OSBPL6: variants seen among roughly 807,000 people sequenced by gnomAD.
OSBPL6 encodes oxysterol binding protein like 6, also known as oxysterol-binding protein-related protein 6.
A neutral mutation model predicts 125.8 loss-of-function variants in OSBPL6; 49 were observed. The observed-to-expected ratio is 0.39, with a 90% confidence interval of 0.31 to 0.49. The LOEUF is 0.49. Ranked by LOEUF, OSBPL6 falls within the 20% of genes least tolerant of loss-of-function variation. The pLI is 0.88. For missense variants in OSBPL6, 986 were observed against 1,135.4 expected (o/e 0.87, Z 1.89); for synonymous variants, 394 against 391.8 (o/e 1.01, Z -0.07).
intron 2 of OSBPL6, among the ~76,000 whole-genome samples, chr2:178,297,972 A>G (rs1685911924): frequency 6.6e-6 from 1 of 152,170 alleles, no homozygotes; most frequent in South Asian, 2.1e-4. Context: ...GAACCTTTCC[A>G]TCTTTCAAAG....
At chr2:178,299,273 T>C (rs893895703) in intron 2 of OSBPL6, among the ~76,000 whole-genome samples, 7 of 152,208 alleles carry the variant, frequency 4.6e-5, no homozygotes, top group African/African-American at 1.4e-4. Flanking sequence ...ATAGCTCATA[T>C]CTTTTTTGCA....
chr2:178,215,019 G>C (rs770629791), intron 1 of OSBPL6, among the ~76,000 whole-genome samples: 6 of 151,522 alleles, frequency 4.0e-5, no homozygotes, highest in Non-Finnish European at 7.4e-5. Context: ...ACGGTAGCTT[G>C]TAACAAAGTT....
intron 2 of OSBPL6, among the ~76,000 whole-genome samples, chr2:178,296,808 G>A (rs1685797075): frequency 6.6e-6 from 1 of 152,178 alleles, no homozygotes; most frequent in African/African-American, 2.4e-5. Context: ...GGTTATGTCA[G>A]CTGTTCCTTC....
intron 2 of OSBPL6, among the ~76,000 whole-genome samples, chr2:178,297,298 A>G (rs922734034): frequency 5.9e-5 from 9 of 152,194 alleles, no homozygotes; most frequent in African/African-American, 2.2e-4. Flanking sequence ...AGGCAAATAT[A>G]GTAAAATTAA....
At position 178,401,645 on chromosome 2, in the gene OSBPL6, G is replaced by A. The variant is rs1056456162; in HGVS notation, c.*6086G>A. On this transcript the variant is annotated 3_prime_UTR_variant, in exon 25 of 25. Transcript: ENST00000190611. ...GGAAAAAAGTAGGTTCTCTAACTGG[G>A]GCAGGGATCTTGCTTCTTGGGGGCA... The A allele has an allele frequency of 6.6e-6, 1 of 152,200 alleles. No homozygotes were observed. The highest frequency in any genetic ancestry group is 6.5e-5 in the Admixed American group (1 of 15,278). The allele number at this position is 152,200 out of a possible 1,614,324, so 9.4% of individuals were successfully genotyped here. A position where few individuals can be genotyped will look rare whatever the true frequency, so the allele number is the denominator to read the frequency against.
At chr2:178,291,829 T>TC (rs61197503) in intron 2 of OSBPL6, among the ~76,000 whole-genome samples, 3,625 of 109,166 alleles carry the variant, frequency 0.033, 104 homozygotes, top group African/African-American at 0.091. Context: ...ATCCATCCAT[T>TC]CATCCTTGAT....
chr2:178,259,993 G>C (rs1276882430), intron 1 of OSBPL6, among the ~76,000 whole-genome samples: 1 of 152,144 alleles, frequency 6.6e-6, no homozygotes, highest in Non-Finnish European at 1.5e-5. Context: ...ATTTGCTGAG[G>C]TTCCATTCAT....
intron 1 of OSBPL6, among the ~76,000 whole-genome samples, chr2:178,276,625 G>A (rs1312010417): frequency 2.0e-5 from 3 of 151,834 alleles, no homozygotes; most frequent in South Asian, 2.1e-4. Context: ...CATCCACGTC[G>A]GCCTCCCAAA....
chr2:178,231,728 C>G (rs1187952338), intron 1 of OSBPL6, among the ~76,000 whole-genome samples: 1 of 144,844 alleles, frequency 6.9e-6, no homozygotes, highest in East Asian at 2.0e-4. Context: ...CTCACTGCAG[C>G]CTTGAACACC....
At chr2:178,273,845 A>G (rs2092418780) in intron 1 of OSBPL6, among the ~76,000 whole-genome samples, 1 of 152,166 alleles carries the variant, frequency 6.6e-6, no homozygotes, top group South Asian at 2.1e-4. Flanking sequence ...TGATTTGTCC[A>G]TAGATTTGCT....
At chr2:178,250,064 G>A (rs757325716) in intron 1 of OSBPL6, among the ~76,000 whole-genome samples, 2 of 152,280 alleles carry the variant, frequency 1.3e-5, no homozygotes, top group Non-Finnish European at 1.5e-5. Flanking sequence ...TTCTACCATA[G>A]TTCCCACTTC....
intron 4 of OSBPL6, among the ~76,000 whole-genome samples, chr2:178,324,918 G>A (rs1356044076): frequency 3.3e-5 from 5 of 152,162 alleles, no homozygotes; most frequent in African/African-American, 1.2e-4. Context: ...CCTATGCGGA[G>A]GGACTGTTGT....
chr2:178,380,612 G>A (rs1694383247), intron 15 of OSBPL6, among the ~76,000 whole-genome samples: 1 of 152,072 alleles, frequency 6.6e-6, no homozygotes, highest in East Asian at 1.9e-4. Context: ...CAGTCTTTCA[G>A]GAGAGCAATT....
intron 2 of OSBPL6, among the ~76,000 whole-genome samples, chr2:178,288,351 A>T (rs573429041): frequency 9.2e-5 from 14 of 152,282 alleles, no homozygotes; most frequent in Non-Finnish European, 1.6e-4. Context: ...GTTGAAAAGT[A>T]TGGAAACAAA....
chr2:178,230,288 G>T (rs1364661983), intron 1 of OSBPL6: 1 of 152,222 alleles, frequency 6.6e-6, no homozygotes, highest in Non-Finnish European at 1.5e-5. Flanking sequence ...AGGTGAGATG[G>T]TGGAGGAAGT....
intron 1 of OSBPL6, among the ~76,000 whole-genome samples, chr2:178,280,084 G>A (rs2154029852): frequency 6.6e-6 from 1 of 152,196 alleles, no homozygotes. Context: ...TGTAGTCCCA[G>A]CTACTCGGGA....
In OSBPL6 at chr2:178,385,657, AT is replaced by A. The variant is rs2154115733; in HGVS notation, c.2077+140del. 7 of 664,060 alleles carry A rather than the reference AT, an allele frequency of 1.1e-5. No individual in the cohort carries two copies. The South Asian group carries it at 1.2e-4, about 11-fold the overall frequency. 41.1% of individuals were successfully genotyped at this position (664,060 alleles called of 1,614,324 possible). Reference sequence around the variant, plus strand: ...AATGTTAGTAATTGGTGCAGAGCTCATTTTGAGAAATCAAAATTCCTGGTTT... The same window carrying A: ...AATGTTAGTAATTGGTGCAGAGCTCATTTGAGAAATCAAAATTCCTGGTTT... On this transcript the variant is annotated intron_variant, in intron 19 of 24. Transcript: ENST00000190611.
At chr2:178,214,185 C>A (rs981643200) in intron 1 of OSBPL6, among the ~76,000 whole-genome samples, 1 of 152,028 alleles carries the variant, frequency 6.6e-6, no homozygotes, top group African/African-American at 2.4e-5. Context: ...GGACAGAAGC[C>A]GTGGCATATG....
chr2:178,296,864 C>T (rs1685801457), intron 2 of OSBPL6, among the ~76,000 whole-genome samples: 1 of 152,174 alleles, frequency 6.6e-6, no homozygotes, highest in African/African-American at 2.4e-5. Flanking sequence ...AACACTCATG[C>T]TCGAATGCCC....
Sources: allele counts gnomAD v4.1 joint callset (sites outside exome capture counted in the v4.1 genomes callset), GRCh38; gene constraint gnomAD v4.1.1; transcripts MANE v1.5; gene names NCBI Gene and HGNC (gene_info 2026-07-23, HGNC 2026-07-21).